PIWIL2: variants seen among roughly 807,000 people sequenced by gnomAD.
PIWIL2 encodes piwi-like protein 2.
In PIWIL2, 81 loss-of-function variants were observed where a neutral mutation model predicts 116.5. That is an observed-to-expected ratio of 0.70 (90% CI 0.58 to 0.84). PIWIL2 has a LOEUF of 0.84. Among genes scored for constraint, PIWIL2 ranks in the 40% least tolerant of loss-of-function variants. The pLI is 0.00. For synonymous variants in PIWIL2, 489 were observed against 429.5 expected (o/e 1.14, Z -1.71); for missense variants, 1,272 against 1,212.3 (o/e 1.05, Z -0.73).
intron 6 of PIWIL2, 85 bp from the exon 7 acceptor site, chr8:22,287,443 T>A: frequency 2.4e-6 from 2 of 847,172 alleles, no homozygotes; most frequent in Non-Finnish European, 4.2e-6. Flanking sequence ...CAGCAGTTAC[T>A]GGGTAACTAG....
At chr8:22,300,199 G>A (rs1362381814) in intron 10 of PIWIL2, among the ~76,000 whole-genome samples, 1 of 152,100 alleles carries the variant, frequency 6.6e-6, no homozygotes, top group Admixed American at 6.6e-5. Context: ...GCCTCCCAAA[G>A]TGCTGGGATT....
chr8:22,279,470 G>C lies in PIWIL2; in HGVS notation c.84G>C (p.Trp28Cys), dbSNP rs765107886. 10 of 1,614,128 alleles carry C rather than the reference G, an allele frequency of 6.2e-6. No homozygotes were observed. The South Asian group carries it at 1.1e-4, about 18-fold the overall frequency. Residue 28 changes from tryptophan to cysteine, a missense_variant, in exon 2 of 23, where the codon TGG becomes TGC. Transcript: ENST00000356766. Reference sequence around the variant, plus strand: ...AGGCTGTACGGATGCCAGGCTGTTGGCCACAAGCTTCTAAACCTTTGGACC... The same window carrying C: ...AGGCTGTACGGATGCCAGGCTGTTGCCCACAAGCTTCTAAACCTTTGGACC... Reference protein sequence around the residue: ...QCQAVRMPGCWPQASKPLDPA... With the variant: ...QCQAVRMPGCCPQASKPLDPA...
In PIWIL2 at chr8:22,283,182, C is replaced by T. The variant is rs774010016; in HGVS notation, c.574C>T (p.Gln192Ter). The T allele has an allele frequency of 1.2e-6, 2 of 1,614,040 alleles. No individual in the cohort carries two copies. The highest frequency in any genetic ancestry group is 2.7e-5 in the African/African-American group (2 of 74,930). ...GCTGTCATCACCACCAGCTCTGCCC[C>T]AGTCTCCCCTGCACTCTCCAGATCG... ...PQLSSPPALPQSPLHSPDRPL... is the reference protein window; with the variant it reads ...PQLSSPPALP The change falls in exon 5 of 23, where the codon CAG becomes TAG. Residue 192 changes from glutamine (Q) to a stop codon, truncating the protein, a stop_gained. Transcript: ENST00000356766. LOFTEE classifies it high-confidence loss of function.
At chr8:22,291,601 T>C (rs978326805) in intron 10 of PIWIL2, among the ~76,000 whole-genome samples, 2 of 152,228 alleles carry the variant, frequency 1.3e-5, no homozygotes, top group African/African-American at 2.4e-5. Flanking sequence ...TAATATAATA[T>C]GATAGTTAAC....
chr8:22,289,209 G>A (rs1271687047), intron 8 of PIWIL2, among the ~76,000 whole-genome samples: 1 of 147,430 alleles, frequency 6.8e-6, no homozygotes, highest in Non-Finnish European at 1.5e-5. Context: ...CTGTAGTGCA[G>A]TGGCGCAATC....
intron 8 of PIWIL2, among the ~76,000 whole-genome samples, chr8:22,289,352 C>G (rs898580304): frequency 2.6e-5 from 4 of 152,116 alleles, no homozygotes; most frequent in African/African-American, 9.7e-5. Context: ...GATGTTTCAT[C>G]TTGTTGGCCA....
At chr8:22,314,902 A>T in intron 17 of PIWIL2, 127 bp from the exon 18 acceptor site, 6 of 666,294 alleles carry the variant, frequency 9.0e-6, no homozygotes, top group Non-Finnish European at 1.6e-5. Context: ...AGAATTATTA[A>T]TGCGAAATGT....
At chr8:22,322,916 AGTT>A (rs371954635) in intron 20 of PIWIL2, among the ~76,000 whole-genome samples, 14 of 152,012 alleles carry the variant, frequency 9.2e-5, no homozygotes, top group African/African-American at 1.4e-4. Flanking sequence ...TCCCCAGGCC[AGTT>A]GTTGTTGTTG....
At chr8:22,355,277 A>C in intron 22 of PIWIL2, 72 bp from the exon 23 acceptor site, 1 of 1,454,878 alleles carries the variant, frequency 6.9e-7, no homozygotes, top group East Asian at 2.3e-5. Context: ...CCCCGTGACT[A>C]TTGTATTGTA....
chr8:22,296,993 T>A (rs1830922618), intron 10 of PIWIL2, among the ~76,000 whole-genome samples: 1 of 152,128 alleles, frequency 6.6e-6, no homozygotes, highest in Admixed American at 6.6e-5. Flanking sequence ...TCCTTTTTTT[T>A]TTATTTTTAT....
chr8:22,295,401 C>T (rs188752746), intron 10 of PIWIL2, among the ~76,000 whole-genome samples: 5 of 152,162 alleles, frequency 3.3e-5, no homozygotes, highest in African/African-American at 9.6e-5. Flanking sequence ...AAATTCACAC[C>T]GAGTTGTGTA....
intron 20 of PIWIL2, among the ~76,000 whole-genome samples, chr8:22,331,985 G>A (rs1267156668): frequency 2.6e-5 from 4 of 152,118 alleles, no homozygotes; most frequent in Non-Finnish European, 5.9e-5. Flanking sequence ...CAGTAGCTTA[G>A]ATATAGCTGA....
At chr8:22,334,784 C>T (rs930533086) in intron 20 of PIWIL2, among the ~76,000 whole-genome samples, 2 of 151,888 alleles carry the variant, frequency 1.3e-5, no homozygotes, top group East Asian at 1.9e-4. Flanking sequence ...TAGCCAGGTG[C>T]GGTGGCTCAC....
intron 20 of PIWIL2, among the ~76,000 whole-genome samples, chr8:22,327,122 A>G (rs891740584): frequency 6.8e-6 from 1 of 146,106 alleles, no homozygotes; most frequent in Non-Finnish European, 1.5e-5. Context: ...CCACCTCCTA[A>G]GTTCAAGAGA....
chr8:22,311,958 T>C (rs1350029561), intron 16 of PIWIL2, among the ~76,000 whole-genome samples: 1 of 151,774 alleles, frequency 6.6e-6, no homozygotes. Flanking sequence ...TTTTTTTAAA[T>C]TTTTTTTTGA....
rs576017921 is a variant in PIWIL2 at position 22,321,680 on chromosome 8, C to A, written c.2403+3405C>A. Among the ~76,000 whole-genome samples the A allele has an allele frequency of 4.3e-4, 65 of 152,118 alleles. 1 individual carries two copies. The highest frequency in any genetic ancestry group is 1.6e-3 in the African/African-American group (65 of 41,488). On this transcript the variant is annotated intron_variant, in intron 20 of 22. Transcript: ENST00000356766. ...CCAGTGAACTATGATCATGTCAGCC[C>A]GGTTGACAGAGCCTGCCTCTAAAAC...
chr8:22,334,608 G>A (rs1454829025), intron 20 of PIWIL2, among the ~76,000 whole-genome samples: 1 of 151,868 alleles, frequency 6.6e-6, no homozygotes, highest in Non-Finnish European at 1.5e-5. Flanking sequence ...TAGTAGAGAC[G>A]GGGTTTCTCC....
At chr8:22,338,437 T>C (rs1832029985) in intron 20 of PIWIL2, among the ~76,000 whole-genome samples, 1 of 152,180 alleles carries the variant, frequency 6.6e-6, no homozygotes, top group African/African-American at 2.4e-5. Context: ...ACGCCTGTAA[T>C]CTTAGCACTT....
chr8:22,315,989 C>T (rs376027713), intron 18 of PIWIL2, among the ~76,000 whole-genome samples: 21 of 152,276 alleles, frequency 1.4e-4, no homozygotes, highest in African/African-American at 5.1e-4. Context: ...CCTGTGTTTT[C>T]TACAGAAATC....
Sources: gnomAD v4.1 joint callset for allele counts (sites outside exome capture counted in the v4.1 genomes callset) on GRCh38, gnomAD v4.1.1 for gene constraint, MANE v1.5 for transcripts, NCBI Gene and HGNC (gene_info 2026-07-23, HGNC 2026-07-21) for gene names.